The following PHTF2 variants were observed in gnomAD, a reference collection of about 807,000 sequenced individuals.
The protein encoded by PHTF2 is protein PHTF2.
Under a neutral mutation model 101.2 loss-of-function variants are expected in PHTF2, and 60 were observed. That is an observed-to-expected ratio of 0.59 (90% CI 0.48 to 0.73). The LOEUF (loss-of-function observed/expected upper bound fraction) is 0.73. Among genes scored for constraint, PHTF2 ranks in the 30% least tolerant of loss-of-function variants. The pLI is 0.00. For missense variants in PHTF2, 747 were observed against 908.7 expected, an observed-to-expected ratio of 0.82 and a Z score of 2.29; for synonymous variants, 311 against 307.3, an observed-to-expected ratio of 1.01 and a Z score of -0.13.
intron 1 of PHTF2, among the ~76,000 whole-genome samples, chr7:77,831,308 T>G (rs535847260): frequency 6.7e-4 from 102 of 152,254 alleles, no homozygotes; most frequent in Admixed American, 2.4e-3. Flanking sequence ...ACTGAGAGTA[T>G]TATTCTTAGC....
chr7:77,935,837 T>G (rs1280306336), intron 12 of PHTF2, among the ~76,000 whole-genome samples: 1 of 152,214 alleles, frequency 6.6e-6, no homozygotes, highest in Non-Finnish European at 1.5e-5. Context: ...TTAAACTTCT[T>G]TCCTTTTAGC....
intron 16 of PHTF2, among the ~76,000 whole-genome samples, chr7:77,945,016 C>T (rs1281491571): frequency 6.6e-6 from 1 of 152,148 alleles, no homozygotes; most frequent in Non-Finnish European, 1.5e-5. Context: ...ATTTAGACAT[C>T]GTGGGAGATC....
At chr7:77,862,193 CT>C (rs1156229834) in intron 3 of PHTF2, among the ~76,000 whole-genome samples, 3 of 152,026 alleles carry the variant, frequency 2.0e-5, no homozygotes, top group Non-Finnish European at 2.9e-5. Context: ...TATAAAAGTA[CT>C]GAGTTCATAA....
At chr7:77,892,415 A>G (rs1800517276) in intron 3 of PHTF2, among the ~76,000 whole-genome samples, 1 of 152,248 alleles carries the variant, frequency 6.6e-6, no homozygotes, top group South Asian at 2.1e-4. Context: ...AAATTGAGAT[A>G]TAAAAAATAA....
intron 16 of PHTF2, among the ~76,000 whole-genome samples, chr7:77,946,837 A>G (rs1401631004): frequency 4.6e-5 from 7 of 152,060 alleles, no homozygotes; most frequent in African/African-American, 1.7e-4. Context: ...AACTGTAAAT[A>G]CTGGCCAGGG....
intron 1 of PHTF2, among the ~76,000 whole-genome samples, chr7:77,824,352 A>G (rs1476290208): frequency 1.3e-5 from 2 of 152,096 alleles, no homozygotes; most frequent in South Asian, 4.1e-4. Context: ...TTGAGTTTAT[A>G]AAAAGAATTG....
At chr7:77,922,017 C>CTTTTTTTTTTT (rs35763664) in intron 10 of PHTF2, among the ~76,000 whole-genome samples, 3 of 95,266 alleles carry the variant, frequency 3.1e-5, no homozygotes, top group African/African-American at 4.5e-5. Flanking sequence ...GTTTATATTC[C>CTTTTTTTTTTT]TTTTTTTTTT....
At chr7:77,930,253 C>T (rs1035588976) in intron 12 of PHTF2, among the ~76,000 whole-genome samples, 6 of 151,826 alleles carry the variant, frequency 4.0e-5, no homozygotes, top group Non-Finnish European at 5.9e-5. Flanking sequence ...CCTGCCCAGT[C>T]GGACTAGCCA....
At chr7:77,921,436 C>T (rs1803449243) in intron 10 of PHTF2, among the ~76,000 whole-genome samples, 2 of 152,098 alleles carry the variant, frequency 1.3e-5, no homozygotes, top group Non-Finnish European at 1.5e-5. Context: ...AAAGATGTTA[C>T]CTCTCTTACA....
chr7:77,953,052 T>C (rs980769706), intron 18 of PHTF2, among the ~76,000 whole-genome samples: 1 of 152,224 alleles, frequency 6.6e-6, no homozygotes, highest in African/African-American at 2.4e-5. Flanking sequence ...TTCCTTGTAC[T>C]TGGGCCCTAA....
chr7:77,943,206 C>T (rs1027039918), intron 16 of PHTF2, among the ~76,000 whole-genome samples: 15 of 152,174 alleles, frequency 9.9e-5, no homozygotes, highest in African/African-American at 3.1e-4. Context: ...CTGCAACCTC[C>T]GCCTCCCGGG....
chr7:77,908,226 G>A (rs932352876), intron 7 of PHTF2, among the ~76,000 whole-genome samples: 5 of 152,184 alleles, frequency 3.3e-5, no homozygotes, highest in African/African-American at 1.2e-4. Context: ...GGAGACGAAG[G>A]TAAAGAGAGT....
chr7:77,922,017 CTT>C (rs35763664), intron 10 of PHTF2, among the ~76,000 whole-genome samples: 6,415 of 94,320 alleles, frequency 0.068, 52 homozygotes, highest in African/African-American at 0.13. Flanking sequence ...GTTTATATTC[CTT>C]TTTTTTTTTT....
In PHTF2 at chr7:77,937,705, T is replaced by TA; in HGVS notation, c.1339-4dup. 2.4e-6 allele frequency: 3 copies of TA among 1,253,460 alleles called. No homozygotes were observed. Among genetic ancestry groups the TA allele is most frequent in the Non-Finnish European group, 2.1e-6 (2 of 943,848 alleles). 77.6% of individuals were successfully genotyped at this position (1,253,460 alleles called of 1,614,324 possible). On this transcript the variant is annotated splice_region_variant and splice_polypyrimidine_tract_variant and intron_variant, in intron 12 of 19. Transcript: ENST00000416283. The stretch of plus-strand genomic sequence containing the variant: ...TATATTTACTAATTTTTTTTTTTTT[T>TA]ATAGAGTCATTTGCCCTGGCTCCAT...
At chr7:77,799,220 C>G (rs1292324710) in intron 1 of PHTF2, among the ~76,000 whole-genome samples, 1 of 152,162 alleles carries the variant, frequency 6.6e-6, no homozygotes, top group Non-Finnish European at 1.5e-5. Flanking sequence ...GCCTTCCTCC[C>G]GAGCTCGCGC....
intron 3 of PHTF2, among the ~76,000 whole-genome samples, chr7:77,872,333 C>A (rs1798589198): frequency 6.6e-6 from 1 of 152,190 alleles, no homozygotes; most frequent in Non-Finnish European, 1.5e-5. Context: ...GGTACAAATA[C>A]CTTCACAGTT....
chr7:77,931,629 A>T (rs574796288), intron 12 of PHTF2, among the ~76,000 whole-genome samples: 3 of 152,346 alleles, frequency 2.0e-5, no homozygotes, highest in Non-Finnish European at 2.9e-5. Flanking sequence ...TTGTTTGTAC[A>T]GCTACTTTGA....
intron 9 of PHTF2, among the ~76,000 whole-genome samples, chr7:77,915,307 C>G (rs1332296636): frequency 2.0e-5 from 3 of 152,002 alleles, no homozygotes; most frequent in African/African-American, 7.3e-5. Flanking sequence ...CAACCTCCGC[C>G]TCCCGGGTTC....
intron 1 of PHTF2, among the ~76,000 whole-genome samples, chr7:77,813,354 G>A (rs1244534674): frequency 6.6e-6 from 1 of 152,208 alleles, no homozygotes; most frequent in African/African-American, 2.4e-5. Context: ...ATAATCAGCT[G>A]TGCTTTATAC....
Sources: gnomAD v4.1 joint callset for allele counts (sites outside exome capture counted in the v4.1 genomes callset) on GRCh38, gnomAD v4.1.1 for gene constraint, MANE v1.5 for transcripts, NCBI Gene and HGNC (gene_info 2026-07-23, HGNC 2026-07-21) for gene names.